FHOD3: variants seen among roughly 807,000 people sequenced by gnomAD.
FHOD3 encodes FH1/FH2 domain-containing protein 3.
FHOD3 carries 90 observed loss-of-function variants against 173.0 expected under a neutral mutation model. The ratio of observed to expected loss-of-function variants is 0.52; its 90% CI spans 0.44 to 0.62. FHOD3 has a LOEUF of 0.62. FHOD3 is among the 20% of genes least tolerant of loss of function. FHOD3 has a pLI of 0.00. For synonymous variants in FHOD3, 828 were observed against 823.0 expected, an observed-to-expected ratio of 1.01 and a Z score of -0.10; for missense variants, 1,945 against 2,034.7, an observed-to-expected ratio of 0.96 and a Z score of 0.85.
intron 3 of FHOD3, among the ~76,000 whole-genome samples, chr18:36,460,589 A>T (rs1207255579): frequency 3.9e-5 from 6 of 152,206 alleles, no homozygotes; most frequent in Admixed American, 3.9e-4. Context: ...GGAATTCAGT[A>T]GCTCCTAACC....
intron 3 of FHOD3, among the ~76,000 whole-genome samples, chr18:36,478,592 G>T (rs189123081): frequency 6.0e-4 from 92 of 152,176 alleles, no homozygotes; most frequent in African/African-American, 2.0e-3. Flanking sequence ...GCCTCCTTCT[G>T]TCCACTTTAC....
At chr18:36,428,500 G>A (rs1420012958) in intron 3 of FHOD3, among the ~76,000 whole-genome samples, 1 of 152,172 alleles carries the variant, frequency 6.6e-6, no homozygotes, top group Admixed American at 6.5e-5. Context: ...GGATGCAGGG[G>A]TGTCGTGGAA....
chr18:36,689,452 C>A (rs1190572293), intron 16 of FHOD3, among the ~76,000 whole-genome samples: 1 of 152,092 alleles, frequency 6.6e-6, no homozygotes, highest in Non-Finnish European at 1.5e-5. Context: ...GGTGTAGTGA[C>A]CATCTGGATA....
intron 1 of FHOD3, among the ~76,000 whole-genome samples, chr18:36,329,293 G>A (rs1205708551): frequency 6.6e-6 from 1 of 152,068 alleles, no homozygotes; most frequent in Admixed American, 6.5e-5. Context: ...GTACCAGTCC[G>A]CCCAACGAAC....
Position 36,740,643 on chromosome 18 carries a change from C to G in FHOD3, c.3577-13C>G, listed in dbSNP as rs1356486146. On this transcript the variant is annotated splice_polypyrimidine_tract_variant and intron_variant, in intron 20 of 28. Transcript: ENST00000590592. The stretch of plus-strand genomic sequence containing the variant: ...ACTAAGAGAAAATATACTATATCAT[C>G]TCCTATTTCCAGAAAATTCTAACGA... 2 of 1,607,308 alleles carry G rather than the reference C, an allele frequency of 1.2e-6. No individual in the cohort carries two copies. Among genetic ancestry groups the G allele is most frequent in the South Asian group, 1.1e-5 (1 of 90,278 alleles).
intron 3 of FHOD3, among the ~76,000 whole-genome samples, chr18:36,463,286 T>C (rs2052671528): frequency 1.9e-5 from 1 of 52,630 alleles, no homozygotes. Context: ...GACAAGCATT[T>C]AACCCAAGTG....
At chr18:36,694,636 T>G (rs1448124648) in intron 17 of FHOD3, among the ~76,000 whole-genome samples, 1 of 152,236 alleles carries the variant, frequency 6.6e-6, no homozygotes, top group Non-Finnish European at 1.5e-5. Flanking sequence ...ATATGAGAGA[T>G]ATCCTCCTGC....
intron 16 of FHOD3, chr18:36,692,972 G>A (rs1600267118): frequency 1.8e-6 from 1 of 569,896 alleles, no homozygotes; most frequent in East Asian, 3.0e-5. Context: ...AGTATCTAGG[G>A]ACTGTGTGAT....
At chr18:36,373,822 A>G (rs930062283) in intron 3 of FHOD3, among the ~76,000 whole-genome samples, 2 of 152,216 alleles carry the variant, frequency 1.3e-5, no homozygotes, top group African/African-American at 4.8e-5. Context: ...CACTTATATT[A>G]AATCGTGGCT....
intron 20 of FHOD3, among the ~76,000 whole-genome samples, chr18:36,737,675 C>T (rs964958612): frequency 1.3e-5 from 2 of 152,204 alleles, no homozygotes; most frequent in Non-Finnish European, 2.9e-5. Flanking sequence ...AGTTTTGCAT[C>T]ACTGGCTTCT....
intron 5 of FHOD3, among the ~76,000 whole-genome samples, chr18:36,560,007 C>T (rs1001444367): frequency 2.6e-5 from 4 of 152,138 alleles, no homozygotes; most frequent in African/African-American, 9.7e-5. Context: ...TTTCTAGGAT[C>T]CCTGAAATCA....
At chr18:36,603,525 G>A (rs1377983491) in intron 8 of FHOD3, among the ~76,000 whole-genome samples, 2 of 151,512 alleles carry the variant, frequency 1.3e-5, no homozygotes, top group East Asian at 3.9e-4. Context: ...ATTATTTGAG[G>A]CAGAGTCTCA....
In FHOD3 at chr18:36,718,442, T is replaced by C; in HGVS notation, c.3144T>C (p.Pro1048=). The change falls in exon 19 of 29, where the codon CCT becomes CCC. Residue 1048 remains proline, a synonymous_variant. Transcript: ENST00000590592. Reference sequence around the variant, plus strand: ...TGTTGGACAGCATTCCTCCCCCTCCTGTCCCTGGTAATTTATTGGTTCCTC... The same window carrying C: ...TGTTGGACAGCATTCCTCCCCCTCCCGTCCCTGGTAATTTATTGGTTCCTC... ...PPLLDSIPPP[P]VPGNLLVPPP... 1.1e-6 allele frequency: 1 copy of C among 897,324 alleles called. No homozygotes were observed. The highest frequency in any genetic ancestry group is 2.3e-5 in the African/African-American group (1 of 43,770). The allele number at this position is 897,324 out of a possible 1,614,324, so 55.6% of individuals were successfully genotyped here. A position where few individuals can be genotyped will look rare whatever the true frequency, so the allele number is the denominator to read the frequency against.
chr18:36,385,210 T>G (rs539856444), intron 3 of FHOD3, among the ~76,000 whole-genome samples: 1 of 152,350 alleles, frequency 6.6e-6, no homozygotes, highest in East Asian at 1.9e-4. Context: ...AAAATGTGTT[T>G]TAGCTACTAT....
intron 1 of FHOD3, among the ~76,000 whole-genome samples, chr18:36,351,724 G>A (rs2046135955): frequency 6.6e-6 from 1 of 152,196 alleles, no homozygotes; most frequent in South Asian, 2.1e-4. Flanking sequence ...TACAGTTTGG[G>A]GCTGGCACAA....
chr18:36,390,779 C>T (rs531976995), intron 3 of FHOD3, among the ~76,000 whole-genome samples: 3 of 152,206 alleles, frequency 2.0e-5, no homozygotes, highest in South Asian at 2.1e-4. Context: ...GGTCCTGTTA[C>T]GCCTGGAGTG....
chr18:36,633,369 G>A (rs775434784), intron 10 of FHOD3, among the ~76,000 whole-genome samples: 1 of 152,138 alleles, frequency 6.6e-6, no homozygotes, highest in Non-Finnish European at 1.5e-5. Context: ...CAACTGCCAG[G>A]CCATCACTTG....
At chr18:36,455,693 G>A (rs2144526520) in intron 3 of FHOD3, among the ~76,000 whole-genome samples, 1 of 152,182 alleles carries the variant, frequency 6.6e-6, no homozygotes, top group East Asian at 1.9e-4. Context: ...TATGGGCCCT[G>A]CCTTCCTCAG....
At chr18:36,745,901 T>C (rs755799091) in intron 23 of FHOD3, among the ~76,000 whole-genome samples, 37 of 151,868 alleles carry the variant, frequency 2.4e-4, no homozygotes, top group Non-Finnish European at 5.0e-4. Context: ...GCTCTGACTT[T>C]TGCTTGCTGG....
Sources: gnomAD v4.1 joint callset for allele counts (sites outside exome capture counted in the v4.1 genomes callset) on GRCh38, gnomAD v4.1.1 for gene constraint, MANE v1.5 for transcripts, NCBI Gene and HGNC (gene_info 2026-07-23, HGNC 2026-07-21) for gene names.